Variants in SLC35F1 observed in about 807,000 individuals in gnomAD.
SLC35F1 encodes the protein chromosome 6 open reading frame 169.
Under a neutral mutation model 48.7 loss-of-function variants are expected in SLC35F1, and 14 were observed. The ratio of observed to expected loss-of-function variants is 0.29; its 90% CI spans 0.19 to 0.45. SLC35F1 has a LOEUF of 0.45. Among genes scored for constraint, SLC35F1 ranks in the 20% least tolerant of loss-of-function variants. SLC35F1 has a pLI of 1.00. For missense variants in SLC35F1, 404 were observed against 500.0 expected (o/e 0.81, Z 1.83); for synonymous variants, 190 against 202.2 (o/e 0.94, Z 0.51).
At chr6:118,238,072 A>G (rs1214383129) in intron 3 of SLC35F1, among the ~76,000 whole-genome samples, 1 of 152,030 alleles carries the variant, frequency 6.6e-6, no homozygotes, top group Non-Finnish European at 1.5e-5. Flanking sequence ...AATATTTCCC[A>G]CTACAGATGT....
intron 2 of SLC35F1, among the ~76,000 whole-genome samples, chr6:118,207,319 C>G (rs1271434285): frequency 6.6e-6 from 1 of 152,160 alleles, no homozygotes; most frequent in Non-Finnish European, 1.5e-5. Context: ...GTAAATGAGT[C>G]AGAGTTTTGT....
At chr6:118,271,427 G>T (rs1775850611) in intron 4 of SLC35F1, among the ~76,000 whole-genome samples, 1 of 152,142 alleles carries the variant, frequency 6.6e-6, no homozygotes, top group Admixed American at 6.5e-5. Flanking sequence ...TGCCCAGAAT[G>T]GAGAAGTTCC....
intron 1 of SLC35F1, among the ~76,000 whole-genome samples, chr6:117,964,469 G>GT (rs1254378638): frequency 3.3e-5 from 5 of 152,182 alleles, no homozygotes; most frequent in African/African-American, 4.8e-5. Flanking sequence ...GTTCTTTCCT[G>GT]TTTTTTTCTA....
chr6:118,310,006 G>T (rs1158193875), intron 7 of SLC35F1, among the ~76,000 whole-genome samples: 2 of 152,204 alleles, frequency 1.3e-5, no homozygotes, highest in Non-Finnish European at 2.9e-5. Context: ...GGTAGAAAAA[G>T]ACAGCAGCAA....
intron 1 of SLC35F1, among the ~76,000 whole-genome samples, chr6:118,109,971 G>A (rs534383965): frequency 1.3e-5 from 2 of 152,318 alleles, no homozygotes; most frequent in South Asian, 2.1e-4. Flanking sequence ...CACAGCCACT[G>A]CTCTCATGGA....
At chr6:118,168,050 GTT>G (rs1774344623) in intron 2 of SLC35F1, among the ~76,000 whole-genome samples, 1 of 152,138 alleles carries the variant, frequency 6.6e-6, no homozygotes, top group African/African-American at 2.4e-5. Flanking sequence ...TTCTTCAGTT[GTT>G]CACATGCAAA....
chr6:118,292,298 C>T (rs1334900669), intron 7 of SLC35F1, among the ~76,000 whole-genome samples: 2 of 151,998 alleles, frequency 1.3e-5, no homozygotes, highest in African/African-American at 4.8e-5. Flanking sequence ...AGAACTGGGA[C>T]CAAAGGGTGA....
intron 1 of SLC35F1, among the ~76,000 whole-genome samples, chr6:117,962,884 A>T (rs1253702785): frequency 6.6e-6 from 1 of 152,136 alleles, no homozygotes; most frequent in Non-Finnish European, 1.5e-5. Context: ...TGTGAAGGGG[A>T]CAGTGTGTTA....
chr6:118,114,521 C>T (rs1773450564), intron 1 of SLC35F1, among the ~76,000 whole-genome samples: 1 of 151,060 alleles, frequency 6.6e-6, no homozygotes, highest in Non-Finnish European at 1.5e-5. Flanking sequence ...CTACAGGGGC[C>T]CGCCACCACG....
At chr6:118,039,800 TTTTTTTTG>T (rs747031440) in intron 1 of SLC35F1, among the ~76,000 whole-genome samples, 1,071 of 83,402 alleles carry the variant, frequency 0.013, 51 homozygotes, top group Middle Eastern at 0.043. Context: ...CTCAGGATTG[TTTTTTTTG>T]TTTTTTTTTT....
intron 1 of SLC35F1, among the ~76,000 whole-genome samples, chr6:118,074,486 C>T (rs981012267): frequency 2.6e-5 from 4 of 152,054 alleles, no homozygotes; most frequent in Admixed American, 1.3e-4. Context: ...ATATCATAAG[C>T]TTGACTTACC....
chr6:118,045,664 A>G (rs1772289096), intron 1 of SLC35F1, among the ~76,000 whole-genome samples: 1 of 152,128 alleles, frequency 6.6e-6, no homozygotes, highest in Admixed American at 6.6e-5. Flanking sequence ...GAGGTTCTGG[A>G]AGGAGGATGG....
intron 7 of SLC35F1, among the ~76,000 whole-genome samples, chr6:118,307,300 G>A (rs193254691): frequency 1.8e-4 from 28 of 152,192 alleles, no homozygotes; most frequent in Non-Finnish European, 1.5e-5. Flanking sequence ...GTTTGTGGGG[G>A]TCATTATTCT....
At chr6:118,114,127 T>A (rs2065416286) in intron 1 of SLC35F1, among the ~76,000 whole-genome samples, 1 of 152,174 alleles carries the variant, frequency 6.6e-6, no homozygotes, top group Non-Finnish European at 1.5e-5. Flanking sequence ...ATGGGGAAAC[T>A]ACCTCTGAAA....
intron 1 of SLC35F1, among the ~76,000 whole-genome samples, chr6:118,110,649 T>C (rs1773385595): frequency 6.6e-6 from 1 of 152,170 alleles, no homozygotes; most frequent in Admixed American, 6.5e-5. Flanking sequence ...GGCTGAAATA[T>C]CCTCCAATGC....
At chr6:118,162,049 C>T (rs1181511226) in intron 2 of SLC35F1, among the ~76,000 whole-genome samples, 1 of 152,140 alleles carries the variant, frequency 6.6e-6, no homozygotes, top group East Asian at 1.9e-4. Context: ...AATGTCCCTG[C>T]AAAGATCTAC....
At chr6:117,910,937 T>C (rs1453870892) in intron 1 of SLC35F1, among the ~76,000 whole-genome samples, 1 of 152,244 alleles carries the variant, frequency 6.6e-6, no homozygotes, top group East Asian at 1.9e-4. Context: ...AGGTACTTCT[T>C]GCTCTCAAGA....
chr6:118,257,874 C>G (rs1775665921), intron 3 of SLC35F1, among the ~76,000 whole-genome samples: 2 of 152,142 alleles, frequency 1.3e-5, no homozygotes, highest in South Asian at 4.1e-4. Flanking sequence ...CCTGAAATCA[C>G]TGTTCTTAAT....
chr6:118,154,550 A>C lies in SLC35F1; in HGVS notation c.279A>C (p.Pro93=). The change falls in exon 2 of 8, where the codon CCA becomes CCC. Residue 93 remains proline, a synonymous_variant. Coordinates refer to ENST00000360388, the MANE Select transcript of SLC35F1 (RefSeq NM_001029858.4). The part of the protein sequence containing the change: ...YLSEDFHANT[P]VFQSFLNYIL... ...CAGAAGATTTCCACGCCAACACACC[A>C]GTCTTCCAGAGTTTCCTCAATTACA... 6.2e-7 allele frequency: 1 copy of C among 1,614,074 alleles called. No individual in the cohort carries two copies. The highest frequency in any genetic ancestry group is 8.5e-7 in the Non-Finnish European group (1 of 1,179,936).
Sources: allele counts gnomAD v4.1 joint callset (sites outside exome capture counted in the v4.1 genomes callset), GRCh38; gene constraint gnomAD v4.1.1; transcripts MANE v1.5; gene names NCBI Gene and HGNC (gene_info 2026-07-23, HGNC 2026-07-21).